AUNIP: variants seen among roughly 807,000 people sequenced by gnomAD.
AUNIP encodes the protein aurora kinase A and ninein interacting protein, also known as aurora kinase A- and ninein-interacting protein.
AUNIP carries 16 observed loss-of-function variants against 12.2 expected under a neutral mutation model. The observed-to-expected ratio is 1.31, with a 90% CI of 0.88 to 1.99. AUNIP has a LOEUF of 1.99. Among genes scored for constraint, AUNIP ranks in the 30% most tolerant of loss-of-function variants. The pLI, the probability that AUNIP is intolerant of heterozygous loss-of-function variation, is 0.00. For synonymous variants in AUNIP, 142 were observed against 154.8 expected, an observed-to-expected ratio of 0.92 and a Z score of 0.61; for missense variants, 411 against 419.1, an observed-to-expected ratio of 0.98 and a Z score of 0.17.
chr1:25,848,959 C>T (rs2048406686), intron 1 of AUNIP, among the ~76,000 whole-genome samples: 1 of 152,240 alleles, frequency 6.6e-6, no homozygotes, highest in Non-Finnish European at 1.5e-5. Context: ...TGTCTCCTCA[C>T]TGCAATAAAC....
rs2048297499 is a variant in AUNIP, at chr1:25,835,740, G to C, written c.327C>G (p.Gly109=). Residue 109 remains glycine, a synonymous_variant, in exon 3 of 3, where the codon GGC becomes GGG. Transcript: ENST00000374298. The part of the protein sequence containing the change: ...NATQLDHLIP[G]LAHDCMASPL... ...GGGATGCCATGCAATCGTGTGCTAA[G>C]CCTGGGATCAAATGGTCTAGCTGGG... The C allele has an allele frequency of 6.2e-7, 1 of 1,614,106 alleles. No homozygotes were observed.
intron 1 of AUNIP, among the ~76,000 whole-genome samples, chr1:25,852,343 T>C (rs909102421): frequency 1.3e-5 from 2 of 152,302 alleles, no homozygotes; most frequent in South Asian, 2.1e-4. Context: ...TTCTTTACTA[T>C]TTATTTTCAC....
At chr1:25,858,227 G>A (rs570873484) in intron 1 of AUNIP, among the ~76,000 whole-genome samples, 1 of 152,198 alleles carries the variant, frequency 6.6e-6, no homozygotes, top group South Asian at 2.1e-4. Flanking sequence ...TATAAAACCA[G>A]GATAATGACA....
chr1:25,857,043 G>A (rs892332106), intron 1 of AUNIP, among the ~76,000 whole-genome samples: 2 of 152,110 alleles, frequency 1.3e-5, no homozygotes, highest in Non-Finnish European at 2.9e-5. Flanking sequence ...CTGGAGCCCG[G>A]GGGCGTTGAG....
chr1:25,833,100 A>G (rs1160154463), downstream of AUNIP, among the ~76,000 whole-genome samples: 1 of 151,826 alleles, frequency 6.6e-6, no homozygotes, highest in South Asian at 2.1e-4. Context: ...CCCTTTCTGT[A>G]GAGATTTTGC....
intron 1 of AUNIP, among the ~76,000 whole-genome samples, chr1:25,856,374 A>C (rs1351338780): frequency 2.0e-5 from 3 of 151,214 alleles, no homozygotes; most frequent in African/African-American, 4.9e-5. Context: ...AAAAAAAAAA[A>C]AACAAAACAA....
At chr1:25,845,642 AC>A (rs1271890086) in intron 1 of AUNIP, among the ~76,000 whole-genome samples, 6 of 152,212 alleles carry the variant, frequency 3.9e-5, no homozygotes, top group African/African-American at 1.4e-4. Flanking sequence ...TGATTCACAT[AC>A]CTTTTTCCTA....
intron 1 of AUNIP, among the ~76,000 whole-genome samples, chr1:25,846,049 A>T (rs1447960861): frequency 6.6e-6 from 1 of 152,228 alleles, no homozygotes; most frequent in East Asian, 1.9e-4. Flanking sequence ...AAAGGAGAAA[A>T]GCAAATTTCT....
At chr1:25,844,365 C>A (rs938198596) in intron 1 of AUNIP, among the ~76,000 whole-genome samples, 1 of 152,180 alleles carries the variant, frequency 6.6e-6, no homozygotes, top group African/African-American at 2.4e-5. Context: ...TCCCAAAGTG[C>A]TGGGATTACA....
intron 1 of AUNIP, among the ~76,000 whole-genome samples, chr1:25,838,644 CTTTTAACTCAGGCGCT>C (rs1347436637): frequency 1.3e-5 from 2 of 152,222 alleles, no homozygotes; most frequent in Non-Finnish European, 2.9e-5. Flanking sequence ...TCTCACTACA[CTTTTAACTCAGGCGCT>C]TTTATTCTTT....
chr1:25,833,111 C>G (rs72879413), downstream of AUNIP, among the ~76,000 whole-genome samples: 1,878 of 152,096 alleles, frequency 0.012, 41 homozygotes, highest in African/African-American at 0.043. Flanking sequence ...GAGATTTTGC[C>G]CTATACTCTT....
rs2048286567 is a variant in AUNIP, at chr1:25,834,836, A to C, written c.*157T>G. ...CCAATCCCACTGTCTTAACAATGGT[A>C]CTGCCCTTTATTTACACAGAGAAGA... On this transcript the variant is annotated 3_prime_UTR_variant, in exon 3 of 3. Coordinates refer to ENST00000374298, the MANE Select transcript of AUNIP (RefSeq NM_024037.3). 2 of 1,465,548 alleles carry C rather than the reference A, an allele frequency of 1.4e-6. No individual in the cohort carries two copies. Among genetic ancestry groups the C allele is most frequent in the Admixed American group, 5.3e-5 (2 of 37,484 alleles). The allele number at this position is 1,465,548 out of a possible 1,614,324, so 90.8% of individuals were successfully genotyped here. A position where few individuals can be genotyped will look rare whatever the true frequency, so the allele number is the denominator to read the frequency against.
intron 1 of AUNIP, among the ~76,000 whole-genome samples, chr1:25,846,765 T>G (rs1258012887): frequency 1.3e-5 from 2 of 152,210 alleles, no homozygotes; most frequent in Non-Finnish European, 2.9e-5. Flanking sequence ...TTAAAGGCCA[T>G]AATGCATGCA....
intron 1 of AUNIP, among the ~76,000 whole-genome samples, chr1:25,853,118 T>C (rs1028896938): frequency 6.6e-6 from 1 of 152,252 alleles, no homozygotes; most frequent in Non-Finnish European, 1.5e-5. Context: ...TAGACTGTTC[T>C]ATATTTTTGT....
chr1:25,852,010 T>A (rs2048426740), intron 1 of AUNIP, among the ~76,000 whole-genome samples: 1 of 152,130 alleles, frequency 6.6e-6, no homozygotes. Context: ...TGGAGTGCAG[T>A]GGCTCAATCA....
intron 1 of AUNIP, among the ~76,000 whole-genome samples, chr1:25,842,513 C>T (rs117058741): frequency 1.3e-5 from 2 of 152,354 alleles, no homozygotes; most frequent in East Asian, 3.9e-4. Flanking sequence ...TCCAGAAGAT[C>T]TAGCTAAGAT....
chr1:25,835,535 C>T lies in AUNIP; in HGVS notation c.532G>A (p.Asp178Asn), dbSNP rs778926533. The change falls in exon 3 of 3, where the codon GAC becomes AAC. Residue 178 changes from aspartate to asparagine, a missense_variant. Physicochemically the swap from Asp to Asn is conservative, Grantham distance 23. Coordinates refer to ENST00000374298, the MANE Select transcript of AUNIP (RefSeq NM_024037.3). ...HTPLAFSFTEDLESSCLLDRK... is the reference protein window; with the variant it reads ...HTPLAFSFTENLESSCLLDRK... ...TCTAGCAAACAAGAACTTTCCAAGT[C>T]CTCGGTGAAGGAAAAAGCCAGTGGG... is the stretch of plus-strand genomic sequence containing the variant. The T allele has an allele frequency of 1.9e-6, 3 of 1,614,208 alleles. No homozygotes were observed. The highest frequency in any genetic ancestry group is 1.1e-5 in the South Asian group (1 of 91,082).
chr1:25,859,221 G>A (rs2048486797), intron 1 of AUNIP, 59 bp downstream of exon 1: 2 of 1,527,494 alleles, frequency 1.3e-6, no homozygotes, highest in African/African-American at 2.8e-5. Context: ...AACTCCTCCC[G>A]TCTTACGCCT....
rs758124885 is a variant in AUNIP at position 25,837,412 on chromosome 1, C to T, written c.220+1G>A. On this transcript the variant is annotated splice_donor_variant, in intron 2 of 2. Coordinates refer to ENST00000374298, the MANE Select transcript of AUNIP (RefSeq NM_024037.3). LOFTEE classifies it high-confidence loss of function. ...AAGTATTCCCATATGGGTCACCATA[C>T]CTGGCTGCAAGGTGAAGAAGGAAGC... is the stretch of plus-strand genomic sequence containing the variant. The T allele has an allele frequency of 1.6e-5, 26 of 1,612,962 alleles. No homozygotes were observed. In the Admixed American group the frequency reaches 4.0e-4, roughly 25 times the overall value.
Sources: gnomAD v4.1 joint callset for allele counts (sites outside exome capture counted in the v4.1 genomes callset) on GRCh38, gnomAD v4.1.1 for gene constraint, MANE v1.5 for transcripts, NCBI Gene and HGNC (gene_info 2026-07-23, HGNC 2026-07-21) for gene names.